GRM7: variants seen among roughly 807,000 people sequenced by gnomAD.
GRM7 encodes the protein metabotropic glutamate receptor 7.
GRM7 carries 35 observed loss-of-function variants against 84.5 expected under a neutral mutation model. The observed-to-expected ratio is 0.41, with a 90% confidence interval of 0.32 to 0.55. The LOEUF (loss-of-function observed/expected upper bound fraction) is 0.55, where lower values mean the gene tolerates loss of function less well. Ranked by LOEUF, GRM7 falls within the 20% of genes least tolerant of loss-of-function variation. The pLI is 0.19. For synonymous variants in GRM7, 487 were observed against 455.1 expected, an observed-to-expected ratio of 1.07 and a Z score of -0.89; for missense variants, 1,003 against 1,194.6, an observed-to-expected ratio of 0.84 and a Z score of 2.36.
intron 8 of GRM7, among the ~76,000 whole-genome samples, chr3:7,614,435 G>A (rs1024774299): frequency 1.3e-5 from 2 of 152,002 alleles, no homozygotes; most frequent in Admixed American, 1.3e-4. Context: ...TTCAATCTTG[G>A]CCCATTCCTC....
intron 8 of GRM7, among the ~76,000 whole-genome samples, chr3:7,664,315 C>A (rs1301997466): frequency 6.6e-6 from 1 of 152,060 alleles, no homozygotes; most frequent in African/African-American, 2.4e-5. Context: ...ATCTTTTGTC[C>A]TCTCCATAAT....
chr3:7,330,228 G>A (rs952033215), intron 4 of GRM7, among the ~76,000 whole-genome samples: 2 of 152,106 alleles, frequency 1.3e-5, no homozygotes, highest in Non-Finnish European at 1.5e-5. Context: ...TATGTTAGCA[G>A]CACAGACATG....
intron 2 of GRM7, among the ~76,000 whole-genome samples, chr3:7,289,027 GA>G (rs1460033462): frequency 1.3e-5 from 2 of 152,126 alleles, no homozygotes; most frequent in Non-Finnish European, 2.9e-5. Context: ...GAAGAAATGA[GA>G]ACCGTCACTT....
intron 2 of GRM7, among the ~76,000 whole-genome samples, chr3:7,218,514 A>T (rs1696688927): frequency 6.6e-6 from 1 of 152,066 alleles, no homozygotes; most frequent in Non-Finnish European, 1.5e-5. Flanking sequence ...GGGTGGGAAT[A>T]GATGACATAT....
chr3:7,383,572 T>C (rs1694671653), intron 4 of GRM7, among the ~76,000 whole-genome samples: 4 of 152,198 alleles, frequency 2.6e-5, no homozygotes, highest in Non-Finnish European at 5.9e-5. Context: ...TCAGATAAGA[T>C]GCCCTAAAGA....
chr3:7,150,370 A>C (rs998089239), intron 2 of GRM7, among the ~76,000 whole-genome samples: 4 of 152,114 alleles, frequency 2.6e-5, no homozygotes. Context: ...GCGCCTCTTC[A>C]TTATTTACTG....
chr3:7,098,332 A>G (rs1306164898), intron 1 of GRM7, among the ~76,000 whole-genome samples: 2 of 152,082 alleles, frequency 1.3e-5, no homozygotes, highest in Admixed American at 1.3e-4. Context: ...AGGAATCCAG[A>G]AATATGGGTT....
chr3:7,732,180 T>C (rs1702355127), intron 9 of GRM7, among the ~76,000 whole-genome samples: 1 of 152,084 alleles, frequency 6.6e-6, no homozygotes, highest in Non-Finnish European at 1.5e-5. Flanking sequence ...CGTATTAAGC[T>C]CTTTCTCTAT....
chr3:7,418,942 A>T (rs1696283759), intron 5 of GRM7, among the ~76,000 whole-genome samples: 1 of 152,166 alleles, frequency 6.6e-6, no homozygotes, highest in African/African-American at 2.4e-5. Context: ...GTAAAACCTT[A>T]CATTCAAAAT....
At chr3:6,897,365 GT>G (rs561950311) in intron 1 of GRM7, among the ~76,000 whole-genome samples, 91 of 152,308 alleles carry the variant, frequency 6.0e-4, no homozygotes, top group Non-Finnish European at 1.0e-3. Context: ...CCCAGTGTCT[GT>G]GTTTTAACAA....
rs75849816 is a variant in GRM7 at position 6,956,060 on chromosome 3, T to C, written c.519+94153T>C. 7.2e-3 allele frequency among the ~76,000 whole-genome samples: 1,093 copies of C among 152,236 alleles called. 13 individuals carry two copies. Among genetic ancestry groups the C allele is most frequent in the African/African-American group, 0.025 (1,052 of 41,520 alleles). ...AGTTATTAGTAAAGACAAATTCCAT[T>C]GGGTTATTGAGTGCCTTGCTAGAGA... On this transcript the variant is annotated intron_variant, in intron 1 of 9. Transcript: ENST00000357716.
chr3:7,246,401 A>C (rs1328517421), intron 2 of GRM7, among the ~76,000 whole-genome samples: 1 of 152,122 alleles, frequency 6.6e-6, no homozygotes, highest in Non-Finnish European at 1.5e-5. Context: ...TTGTCTGTGA[A>C]GTTTTTACAA....
chr3:7,415,189 C>T (rs1696110636), intron 5 of GRM7, 26 bp downstream of exon 5: 10 of 1,601,724 alleles, frequency 6.2e-6, no homozygotes, highest in African/African-American at 1.3e-5. Context: ...TTGTCCTTCT[C>T]CTATTACTCT....
chr3:7,270,722 A>G (rs1698823362), intron 2 of GRM7, among the ~76,000 whole-genome samples: 1 of 152,242 alleles, frequency 6.6e-6, no homozygotes, highest in Admixed American at 6.5e-5. Flanking sequence ...AGCGAGATTT[A>G]GTAGAAAGAA....
intron 7 of GRM7, chr3:7,559,221 T>A (rs1459476279): frequency 6.6e-6 from 1 of 151,188 alleles, no homozygotes; most frequent in Non-Finnish European, 1.5e-5. Flanking sequence ...AGACAGCTGC[T>A]TGGCTTCCCA....
intron 2 of GRM7, among the ~76,000 whole-genome samples, chr3:7,269,298 G>T (rs961795074): frequency 6.6e-6 from 1 of 152,182 alleles, no homozygotes; most frequent in Non-Finnish European, 1.5e-5. Context: ...TCACTCTCTT[G>T]TTCTTTCCTG....
chr3:6,895,323 A>G lies in GRM7; in HGVS notation c.519+33416A>G, dbSNP rs370114701. On this transcript the variant is annotated intron_variant, in intron 1 of 9. Transcript: ENST00000357716. ...AATCTGAGGGGTGAAATTAAGGAAA[A>G]GAATGGAAAGCTGCCTTAAGATTCT... 1.5e-3 allele frequency among the ~76,000 whole-genome samples: 235 copies of G among 152,304 alleles called. 1 individual carries two copies. The highest frequency in any genetic ancestry group is 5.5e-3 in the African/African-American group (228 of 41,580).
intron 1 of GRM7, among the ~76,000 whole-genome samples, chr3:6,985,472 C>T (rs1694374790): frequency 6.6e-6 from 1 of 152,110 alleles, no homozygotes; most frequent in South Asian, 2.1e-4. Context: ...CTGTCTGTGC[C>T]ATTTATCACA....
At chr3:6,987,101 A>G (rs563121790) in intron 1 of GRM7, among the ~76,000 whole-genome samples, 14 of 152,046 alleles carry the variant, frequency 9.2e-5, no homozygotes, top group Middle Eastern at 3.4e-3. Flanking sequence ...GTTTCCTTCT[A>G]ATCCCCTTCC....
Sources: gnomAD v4.1 joint callset for allele counts (sites outside exome capture counted in the v4.1 genomes callset) on GRCh38, gnomAD v4.1.1 for gene constraint, MANE v1.5 for transcripts, NCBI Gene and HGNC (gene_info 2026-07-23, HGNC 2026-07-21) for gene names.